Variants in KIAA1549 observed in about 807,000 individuals in gnomAD.
The protein encoded by KIAA1549 is UPF0606 protein KIAA1549.
In KIAA1549, 70 loss-of-function variants were observed where a neutral mutation model predicts 156.4. That is an observed-to-expected ratio of 0.45 (90% CI 0.37 to 0.55). KIAA1549 has a LOEUF of 0.55. KIAA1549 is among the 20% of genes least tolerant of loss of function. The pLI is 0.00. For synonymous variants in KIAA1549, 1,103 were observed against 1,066.4 expected (o/e 1.03, Z -0.67); for missense variants, 2,428 against 2,540.9 (o/e 0.96, Z 0.96).
At chr7:138,972,725 G>A (rs1380295440) in intron 1 of KIAA1549, among the ~76,000 whole-genome samples, 1 of 152,116 alleles carries the variant, frequency 6.6e-6, no homozygotes, top group Non-Finnish European at 1.5e-5. Context: ...TCTTCTTAGG[G>A]TGGTCCTGCC....
chr7:138,864,299 G>A (rs1810672328), intron 15 of KIAA1549, among the ~76,000 whole-genome samples: 1 of 152,182 alleles, frequency 6.6e-6, no homozygotes. Context: ...TCAGTGGCCA[G>A]AATTTCAGAG....
rs1316808612 is a variant in KIAA1549 at position 138,837,370 on chromosome 7, G to C, written c.*536C>G. ...CCTATCATTTGGTTTCTCACTAGTAGCTTTTTAAAATTCCCAAACAGTCTT... is the reference window on the plus strand; with the variant it reads ...CCTATCATTTGGTTTCTCACTAGTACCTTTTTAAAATTCCCAAACAGTCTT... On this transcript the variant is annotated 3_prime_UTR_variant, in exon 20 of 20. Transcript: ENST00000422774. 2 of 229,192 alleles carry C rather than the reference G, an allele frequency of 8.7e-6. No homozygotes were observed. Among genetic ancestry groups the C allele is most frequent in the South Asian group, 1.8e-4 (1 of 5,504 alleles). 14.2% of individuals were successfully genotyped at this position (229,192 alleles called of 1,614,324 possible). A position where few individuals can be genotyped will look rare whatever the true frequency, so the allele number is the denominator to read the frequency against.
In KIAA1549 at chr7:138,834,577, G is replaced by T; in HGVS notation, c.*3329C>A. Reference sequence around the variant, plus strand: ...AGGCTCATGTCTGCTGGGTTATTTGGTGCCAGAGACACCAGAAAGTCGGGA... The same window carrying T: ...AGGCTCATGTCTGCTGGGTTATTTGTTGCCAGAGACACCAGAAAGTCGGGA... On this transcript the variant is annotated 3_prime_UTR_variant, in exon 20 of 20. Transcript: ENST00000422774. 4.3e-6 allele frequency: 1 copy of T among 231,150 alleles called. No homozygotes were observed. Among genetic ancestry groups the T allele is most frequent in the Non-Finnish European group, 8.6e-6 (1 of 116,720 alleles). 14.3% of individuals were successfully genotyped at this position (231,150 alleles called of 1,614,324 possible). A position where few individuals can be genotyped will look rare whatever the true frequency, so the allele number is the denominator to read the frequency against.
chr7:138,917,935 A>G lies in KIAA1549; in HGVS notation c.1691T>C (p.Ile564Thr), dbSNP rs1812394143. ...TTAFFSVITS[I>T]LLDSSFSVIA... ...GACAGAGAAAGATGAGTCAAGGAGA[A>G]TGCTGGTGATGACCGAGAAAAATGC... is the stretch of plus-strand genomic sequence containing the variant. The change falls in exon 2 of 20, where the codon ATT becomes ACT. Residue 564 changes from isoleucine to threonine, a missense_variant. By Grantham distance (89) the Ile-to-Thr change is moderately conservative (BLOSUM62 -1). Transcript: ENST00000422774. The G allele has an allele frequency of 1.3e-6, 2 of 1,594,842 alleles. No homozygotes were observed. Among genetic ancestry groups the G allele is most frequent in the Non-Finnish European group, 1.7e-6 (2 of 1,170,636 alleles).
At chr7:138,877,274 A>G (rs1242098162) in intron 12 of KIAA1549, among the ~76,000 whole-genome samples, 1 of 152,228 alleles carries the variant, frequency 6.6e-6, no homozygotes, top group East Asian at 1.9e-4. Flanking sequence ...TGGGCAGATC[A>G]CATAAGGCCA....
rs112101860 is a variant in KIAA1549, at chr7:138,865,178, G to A, written c.4929+2797C>T. On this transcript the variant is annotated intron_variant, in intron 15 of 19. Coordinates refer to ENST00000422774, the MANE Select transcript of KIAA1549 (RefSeq NM_001164665.2). Reference sequence around the variant, plus strand: ...GGGGAGGTTGAAGCTGCAGTGAGCCGTGATTGCACCACTGCACTCCAGCCT... The same window carrying A: ...GGGGAGGTTGAAGCTGCAGTGAGCCATGATTGCACCACTGCACTCCAGCCT... Among the ~76,000 whole-genome samples the A allele has an allele frequency of 1.1e-3, 161 of 152,144 alleles. 1 individual carries two copies. The highest frequency in any genetic ancestry group is 3.7e-3 in the African/African-American group (153 of 41,520).
rs61978615 is a variant in KIAA1549 at position 138,918,668 on chromosome 7, C to T, written c.958G>A (p.Asp320Asn). 1.9e-3 allele frequency: 3,094 copies of T among 1,613,836 alleles called. 60 individuals carry two copies. In the African/African-American group the frequency reaches 0.035, roughly 18 times the overall value. Residue 320 changes from aspartate to asparagine, a missense_variant, in exon 2 of 20, where the codon GAC (aspartate) becomes AAC (asparagine). Coordinates refer to ENST00000422774, the MANE Select transcript of KIAA1549 (RefSeq NM_001164665.2). The surrounding 1 kb of genome is among the most constrained non-coding windows in gnomAD (Gnocchi z 4.2). ...PPEEVWATSA[D>N]RYTDVTTVLS... ...ACAGTGGTCACATCAGTGTATCTGT[C>T]TGCACTTGTGGCCCAAACCTCCTCT...
At position 138,833,025 on chromosome 7, in the gene KIAA1549, T is replaced by C. The variant is rs915041149; in HGVS notation, c.*4881A>G. ...AGTTCAGTTGACTATGCCATAGAAATGTGTTTTGTGTTCACATGCTCTGTC... is the reference window on the plus strand; with the variant it reads ...AGTTCAGTTGACTATGCCATAGAAACGTGTTTTGTGTTCACATGCTCTGTC... On this transcript the variant is annotated 3_prime_UTR_variant, in exon 20 of 20. Coordinates refer to ENST00000422774, the MANE Select transcript of KIAA1549 (RefSeq NM_001164665.2). The C allele has an allele frequency of 4.3e-6, 1 of 232,038 alleles. No homozygotes were observed. Among genetic ancestry groups the C allele is most frequent in the Non-Finnish European group, 8.5e-6 (1 of 117,340 alleles). 14.4% of individuals were successfully genotyped at this position (232,038 alleles called of 1,614,324 possible).
chr7:138,939,906 G>T (rs1473715828), intron 1 of KIAA1549, among the ~76,000 whole-genome samples: 1 of 152,122 alleles, frequency 6.6e-6, no homozygotes, highest in Non-Finnish European at 1.5e-5. Flanking sequence ...CATCACTCTG[G>T]CAGGCCCAAG....
intron 10 of KIAA1549, among the ~76,000 whole-genome samples, chr7:138,889,371 A>C (rs1811487973): frequency 6.6e-6 from 1 of 152,260 alleles, no homozygotes; most frequent in Non-Finnish European, 1.5e-5. Context: ...AAAATGCTTC[A>C]TAAATGCCAA....
chr7:138,862,521 A>G (rs1810616176), intron 15 of KIAA1549, among the ~76,000 whole-genome samples: 1 of 151,450 alleles, frequency 6.6e-6, no homozygotes, highest in African/African-American at 2.4e-5. Flanking sequence ...AAAAAAAGAA[A>G]AAGAAAAAAA....
rs551289013 is a variant in KIAA1549 at position 138,909,009 on chromosome 7, C to T, written c.3258G>A (p.Thr1086=). 21 of 1,613,910 alleles carry T rather than the reference C, an allele frequency of 1.3e-5. No homozygotes were observed. The highest frequency in any genetic ancestry group is 3.3e-5 in the Admixed American group (2 of 60,008). ...LFEVRKHHQG[T]YNLTVQILNI... ...TTCTCACCTGCACCGTGAGGTTATA[C>T]GTTCCCTGGTGGTGTTTTCTCACTT... Residue 1086 remains threonine, a synonymous_variant, in exon 5 of 20, where the codon ACG becomes ACA. Coordinates refer to ENST00000422774, the MANE Select transcript of KIAA1549 (RefSeq NM_001164665.2).
intron 6 of KIAA1549, 31 bp from the exon 7 acceptor site, chr7:138,905,112 A>G: frequency 1.4e-6 from 2 of 1,443,296 alleles, no homozygotes; most frequent in Non-Finnish European, 1.9e-6. Flanking sequence ...GGGAAGGAGA[A>G]AAATATCTGT....
At chr7:138,980,154 T>C (rs944869991) in intron 1 of KIAA1549, among the ~76,000 whole-genome samples, 3 of 152,152 alleles carry the variant, frequency 2.0e-5, no homozygotes, top group African/African-American at 7.2e-5. Flanking sequence ...GTGCAGCAGC[T>C]CTCCACCCCT....
Position 138,835,718 on chromosome 7 carries a change from T to C in KIAA1549, c.*2188A>G. Reference sequence around the variant, plus strand: ...ATTTTTGAGTGACATACAAAGATAATCGTTCAATTTGGGAGGAGTCGGGTA... The same window carrying C: ...ATTTTTGAGTGACATACAAAGATAACCGTTCAATTTGGGAGGAGTCGGGTA... On this transcript the variant is annotated 3_prime_UTR_variant, in exon 20 of 20. Transcript: ENST00000422774. 4.6e-6 allele frequency: 1 copy of C among 217,880 alleles called. No individual in the cohort carries two copies. The highest frequency in any genetic ancestry group is 9.2e-6 in the Non-Finnish European group (1 of 108,422). The allele number at this position is 217,880 out of a possible 1,614,324, so 13.5% of individuals were successfully genotyped here.
At chr7:138,861,012 C>A in intron 16 of KIAA1549, 127 bp downstream of exon 16, 1 of 844,190 alleles carries the variant, frequency 1.2e-6, no homozygotes, top group South Asian at 1.5e-5. Context: ...AAACTAAGAC[C>A]CATCACCCGA....
intron 12 of KIAA1549, among the ~76,000 whole-genome samples, chr7:138,872,962 T>C (rs1810981758): frequency 6.6e-6 from 1 of 152,196 alleles, no homozygotes; most frequent in South Asian, 2.1e-4. Flanking sequence ...CAGTCACTTC[T>C]GGATGTTGCT....
intron 1 of KIAA1549, among the ~76,000 whole-genome samples, chr7:138,961,815 C>T (rs182300005): frequency 6.9e-6 from 1 of 145,242 alleles, no homozygotes; most frequent in East Asian, 2.0e-4. Context: ...GCACTCCAGC[C>T]TAGGTGACAG....
intron 1 of KIAA1549, among the ~76,000 whole-genome samples, chr7:138,934,650 C>T (rs573707266): frequency 2.6e-5 from 4 of 152,302 alleles, no homozygotes; most frequent in African/African-American, 9.6e-5. Flanking sequence ...ATTCCTGGGT[C>T]TCAGGTCCTT....
Sources: allele counts gnomAD v4.1 joint callset (sites outside exome capture counted in the v4.1 genomes callset), GRCh38; gene constraint gnomAD v4.1.1; non-coding constraint Gnocchi (gnomAD v3.1); transcripts MANE v1.5; gene names NCBI Gene and HGNC (gene_info 2026-07-23, HGNC 2026-07-21).